Variants in ZKSCAN3 observed in about 807,000 individuals in gnomAD.
ZKSCAN3 encodes zinc finger protein with KRAB and SCAN domains 3.
A neutral mutation model predicts 30.7 loss-of-function variants in ZKSCAN3; 21 were observed. That is an observed-to-expected ratio of 0.68 (90% CI 0.49 to 0.99). ZKSCAN3 has a LOEUF of 0.99. ZKSCAN3 is among the 50% of genes least tolerant of loss of function. The probability of loss-of-function intolerance (pLI) is 0.00; values close to 1 mark genes in which losing one functional copy is unlikely to be tolerated. For synonymous variants in ZKSCAN3, 201 were observed against 246.7 expected, an observed-to-expected ratio of 0.81 and a Z score of 1.73; for missense variants, 507 against 647.1, an observed-to-expected ratio of 0.78 and a Z score of 2.35.
chr6:28,367,734 T>C lies in ZKSCAN3; in HGVS notation c.*1449T>C, dbSNP rs1766023728. ...GGATTCACACCAAATTTTTTTTTTT[T>C]TTTTTAGACGGAGTCTTCTCTGTCA... On this transcript the variant is annotated 3_prime_UTR_variant, in exon 6 of 6. Coordinates refer to ENST00000252211, the MANE Select transcript of ZKSCAN3 (RefSeq NM_024493.4). 6.6e-6 allele frequency: 1 copy of C among 152,094 alleles called. No individual in the cohort carries two copies. Among genetic ancestry groups the C allele is most frequent in the African/African-American group, 2.4e-5 (1 of 41,480 alleles). The allele number at this position is 152,094 out of a possible 1,614,324, so 9.4% of individuals were successfully genotyped here. A position where few individuals can be genotyped will look rare whatever the true frequency, so the allele number is the denominator to read the frequency against.
chr6:28,366,433 A>G lies in ZKSCAN3; in HGVS notation c.*148A>G, dbSNP rs2113935196. On this transcript the variant is annotated 3_prime_UTR_variant, in exon 6 of 6. Transcript: ENST00000252211. ...AGAAAATGTAGACTGGGTTAGACAA[A>G]TTATCTTCTAAGTTCTAGAAGGGGT... is the stretch of plus-strand genomic sequence containing the variant. 2 of 863,094 alleles carry G rather than the reference A, an allele frequency of 2.3e-6. No homozygotes were observed. The highest frequency in any genetic ancestry group is 3.3e-6 in the Non-Finnish European group (2 of 605,750). The allele number at this position is 863,094 out of a possible 1,614,324, so 53.5% of individuals were successfully genotyped here. A position where few individuals can be genotyped will look rare whatever the true frequency, so the allele number is the denominator to read the frequency against.
intron 1 of ZKSCAN3, among the ~76,000 whole-genome samples, chr6:28,354,393 A>G (rs1241706034): frequency 1.3e-5 from 2 of 152,112 alleles, no homozygotes; most frequent in African/African-American, 4.8e-5. Context: ...CATTTACCTT[A>G]CACTCCACCC....
In ZKSCAN3 at chr6:28,351,983, T is replaced by G. The variant is rs550740501; in HGVS notation, c.-63+1916T>G. ...ATAATTGTCTCAAATATTTCTAGAG[T>G]TTTTTTTTTTTACAGTCTTTTTACA... On this transcript the variant is annotated intron_variant, in intron 1 of 5. Transcript: ENST00000252211. This position sits in a 1 kb window ranked among gnomAD's most constrained non-coding sequence, Gnocchi z 4.6. 7.2e-4 allele frequency among the ~76,000 whole-genome samples: 85 copies of G among 118,134 alleles called. 1 individual carries two copies. Among genetic ancestry groups the G allele is most frequent in the Non-Finnish European group, 1.3e-3 (75 of 58,178 alleles). 77.5% of individuals were successfully genotyped at this position (118,134 alleles called of 152,430 possible).
intron 5 of ZKSCAN3, among the ~76,000 whole-genome samples, chr6:28,365,187 C>T (rs1171976960): frequency 6.6e-6 from 1 of 151,770 alleles, no homozygotes; most frequent in Non-Finnish European, 1.5e-5. Context: ...GGATCCTCAC[C>T]GTCTTCTACC....
At chr6:28,354,713 T>G (rs1765308021) in intron 1 of ZKSCAN3, among the ~76,000 whole-genome samples, 1 of 152,260 alleles carries the variant, frequency 6.6e-6, no homozygotes. Flanking sequence ...GGGTTTTTGC[T>G]TCCCTACCTT....
intron 2 of ZKSCAN3, chr6:28,360,788 G>A (rs1383622863): frequency 5.1e-6 from 5 of 978,690 alleles, no homozygotes; most frequent in South Asian, 4.7e-5. Context: ...AAGGATGTGG[G>A]AAATTCTGAG....
At chr6:28,357,019 A>G (rs891341547) in intron 1 of ZKSCAN3, among the ~76,000 whole-genome samples, 3 of 152,240 alleles carry the variant, frequency 2.0e-5, no homozygotes, top group Non-Finnish European at 2.9e-5. Context: ...CAGCAGGTAG[A>G]TGGGACATGG....
At position 28,354,306 on chromosome 6, in the gene ZKSCAN3, G is replaced by A. The variant is rs1012602388; in HGVS notation, c.-63+4239G>A. 82 of 221,260 alleles carry A rather than the reference G, an allele frequency of 3.7e-4. 1 individual carries two copies. The highest frequency in any genetic ancestry group is 1.8e-3 in the African/African-American group (82 of 44,560). 13.7% of individuals were successfully genotyped at this position (221,260 alleles called of 1,614,324 possible). A position where few individuals can be genotyped will look rare whatever the true frequency, so the allele number is the denominator to read the frequency against. ...AACAGGTTATATAACAAGTGGAGTG[G>A]TGCGCCTGCGTTCCAAACTCGCTGA... On this transcript the variant is annotated intron_variant, in intron 1 of 5. Coordinates refer to ENST00000252211, the MANE Select transcript of ZKSCAN3 (RefSeq NM_024493.4).
At chr6:28,364,430 C>T (rs1252018635) in intron 5 of ZKSCAN3, among the ~76,000 whole-genome samples, 8 of 152,272 alleles carry the variant, frequency 5.3e-5, no homozygotes, top group South Asian at 4.1e-4. Flanking sequence ...TATCCCTGAC[C>T]GAAGAGGAAA....
In ZKSCAN3 at chr6:28,351,393, C is replaced by A. The variant is rs1765004944; in HGVS notation, c.-63+1326C>A. Among the ~76,000 whole-genome samples, 1 of 152,170 alleles carries A rather than the reference C, an allele frequency of 6.6e-6. No individual in the cohort carries two copies. Among genetic ancestry groups the A allele is most frequent in the Non-Finnish European group, 1.5e-5 (1 of 68,034 alleles). On this transcript the variant is annotated intron_variant, in intron 1 of 5. Transcript: ENST00000252211. The surrounding 1 kb of genome is among the most constrained non-coding windows in gnomAD (Gnocchi z 4.6). The stretch of plus-strand genomic sequence containing the variant: ...TCACTCTGGGTTGGGCTGTGGCTCT[C>A]TCTCGCCTTCCTTGACCCTACCTTA...
intron 1 of ZKSCAN3, among the ~76,000 whole-genome samples, chr6:28,354,737 C>T (rs548095075): frequency 1.3e-5 from 2 of 152,306 alleles, no homozygotes; most frequent in South Asian, 2.1e-4. Flanking sequence ...GGTGTTGGGG[C>T]GGGCAACAAC....
In ZKSCAN3 at chr6:28,351,762, TC is replaced by T. The variant is rs1765037577; in HGVS notation, c.-63+1697del. On this transcript the variant is annotated intron_variant, in intron 1 of 5. Coordinates refer to ENST00000252211, the MANE Select transcript of ZKSCAN3 (RefSeq NM_024493.4). The surrounding 1 kb of genome is among the most constrained non-coding windows in gnomAD (Gnocchi z 4.6). The stretch of plus-strand genomic sequence containing the variant: ...TCTCCCCCTCTTTATCTCTTTTTTT[TC>T]CTCATTTCGTCCCTCTCTTCTCTTT... 6.6e-6 allele frequency among the ~76,000 whole-genome samples: 1 copy of T among 151,964 alleles called. No homozygotes were observed. The highest frequency in any genetic ancestry group is 2.4e-5 in the African/African-American group (1 of 41,338).
intron 1 of ZKSCAN3, among the ~76,000 whole-genome samples, chr6:28,358,899 G>GAAAAAAA (rs201554097): frequency 1.9e-5 from 2 of 106,074 alleles, no homozygotes; most frequent in African/African-American, 3.3e-5. Context: ...AAACAAATAA[G>GAAAAAAA]AAAAAAAAAA....
At chr6:28,365,325 C>G (rs1581742254) in intron 5 of ZKSCAN3, 101 bp from the exon 6 acceptor site, 2 of 1,467,480 alleles carry the variant, frequency 1.4e-6, no homozygotes, top group East Asian at 4.5e-5. Context: ...ATCCTCATCC[C>G]AGGCATTTAT....
At chr6:28,355,702 C>G (rs187230986) in intron 1 of ZKSCAN3, 48 of 152,328 alleles carry the variant, frequency 3.2e-4, no homozygotes, top group Non-Finnish European at 5.9e-4. Context: ...GTTAATATAA[C>G]ATCATTAATA....
intron 2 of ZKSCAN3, 113 bp downstream of exon 2, chr6:28,360,101 A>G (rs760870420): frequency 2.5e-6 from 4 of 1,571,902 alleles, no homozygotes; most frequent in East Asian, 2.3e-5. Flanking sequence ...TCTTTTTTGT[A>G]CCGTGAACCT....
intron 1 of ZKSCAN3, chr6:28,354,036 C>T (rs889340483): frequency 9.1e-6 from 4 of 438,456 alleles, no homozygotes; most frequent in East Asian, 1.4e-4. Context: ...CTGCCTCCTC[C>T]GACCGCAGCC....
Position 28,367,377 on chromosome 6 carries a change from G to A in ZKSCAN3, c.*1092G>A, listed in dbSNP as rs1766009078. 1 of 136,718 alleles carries A rather than the reference G, an allele frequency of 7.3e-6. No homozygotes were observed. Among genetic ancestry groups the A allele is most frequent in the Non-Finnish European group, 1.5e-5 (1 of 65,424 alleles). 8.5% of individuals were successfully genotyped at this position (136,718 alleles called of 1,614,324 possible). ...TCACTATGTTGCCCAGGCTGGTCTC[G>A]AAATCCTGGGCAATCCTCCTGCCTC... is the stretch of plus-strand genomic sequence containing the variant. On this transcript the variant is annotated 3_prime_UTR_variant, in exon 6 of 6. Coordinates refer to ENST00000252211, the MANE Select transcript of ZKSCAN3 (RefSeq NM_024493.4).
In ZKSCAN3 at chr6:28,365,967, A is replaced by G. The variant is rs761925109; in HGVS notation, c.1299A>G (p.Lys433=). Residue 433 remains lysine (K), a synonymous_variant, in exon 6 of 6, where the codon AAA becomes AAG. Transcript: ENST00000252211. The part of the protein sequence containing the change: ...EKPYQCSMCG[K]AFRRSSHLLR... ...CGTATCAGTGCAGTATGTGTGGCAA[A>G]GCCTTTAGGCGAAGTTCACATCTCC... is the stretch of plus-strand genomic sequence containing the variant. 3 of 1,614,078 alleles carry G rather than the reference A, an allele frequency of 1.9e-6. No individual in the cohort carries two copies. The highest frequency in any genetic ancestry group is 2.5e-6 in the Non-Finnish European group (3 of 1,180,020).
Sources: gnomAD v4.1 joint callset for allele counts (sites outside exome capture counted in the v4.1 genomes callset) on GRCh38, gnomAD v4.1.1 for gene constraint, Gnocchi (gnomAD v3.1) non-coding constraint, MANE v1.5 for transcripts, NCBI Gene and HGNC (gene_info 2026-07-23, HGNC 2026-07-21) for gene names.